The following C1QTNF3 variants were observed in gnomAD, a reference collection of about 807,000 sequenced individuals.
C1QTNF3 encodes complement C1q tumor necrosis factor-related protein 3.
Under a neutral mutation model 32.6 loss-of-function variants are expected in C1QTNF3, and 26 were observed. The observed-to-expected ratio is 0.80, with a 90% CI of 0.58 to 1.11. The LOEUF (loss-of-function observed/expected upper bound fraction) is 1.11, where lower values mean the gene tolerates loss of function less well. Among genes scored for constraint, C1QTNF3 ranks in the 50% least tolerant of loss-of-function variants. C1QTNF3 has a pLI of 0.00. For synonymous variants in C1QTNF3, 155 were observed against 146.0 expected, an observed-to-expected ratio of 1.06 and a Z score of -0.44; for missense variants, 362 against 398.2, an observed-to-expected ratio of 0.91 and a Z score of 0.77.
the C1QTNF3 span, among the ~76,000 whole-genome samples, chr5:34,094,609 A>G: frequency 6.6e-6 from 1 of 151,684 alleles, no homozygotes. Flanking sequence ...GGCTACATAG[A>G]CCGTGTATTA....
At chr5:34,119,766 G>A in the C1QTNF3 span, among the ~76,000 whole-genome samples, 2,102 of 152,180 alleles carry the variant, frequency 0.014, 47 homozygotes, top group African/African-American at 0.048. Context: ...TTCTCACATT[G>A]CGCATCACTG....
At chr5:34,050,269 A>G in the C1QTNF3 span, among the ~76,000 whole-genome samples, 1 of 152,054 alleles carries the variant, frequency 6.6e-6, no homozygotes, top group Non-Finnish European at 1.5e-5. Context: ...TTGCTCATCA[A>G]TCCTTCTCAT....
chr5:34,083,970 C>T, the C1QTNF3 span, among the ~76,000 whole-genome samples: 3 of 151,706 alleles, frequency 2.0e-5, 1 homozygote, highest in African/African-American at 7.3e-5. Context: ...AACCTCTGGG[C>T]AGTGTTGCAT....
the C1QTNF3 span, among the ~76,000 whole-genome samples, chr5:34,137,850 T>C: frequency 1.3e-5 from 2 of 152,348 alleles, no homozygotes; most frequent in African/African-American, 4.8e-5. Flanking sequence ...TCATGTGATA[T>C]TGGCTGATTT....
chr5:34,143,343 C>A, the C1QTNF3 span, among the ~76,000 whole-genome samples: 1 of 152,116 alleles, frequency 6.6e-6, no homozygotes, highest in Admixed American at 6.5e-5. Context: ...GAATGAAAGA[C>A]TTGTAAAATA....
chr5:34,047,979 G>T (rs1358104139), upstream of C1QTNF3, among the ~76,000 whole-genome samples: 1 of 152,102 alleles, frequency 6.6e-6, no homozygotes, highest in Non-Finnish European at 1.5e-5. Flanking sequence ...AGCTGGTCAG[G>T]ATGTTACAAT....
chr5:34,155,025 G>A, the C1QTNF3 span, among the ~76,000 whole-genome samples: 2 of 152,138 alleles, frequency 1.3e-5, no homozygotes, highest in Admixed American at 1.3e-4. Flanking sequence ...ATTTATGGCT[G>A]TTAGTGACTA....
the C1QTNF3 span, chr5:34,124,417 C>A: frequency 8.4e-6 from 6 of 716,002 alleles, no homozygotes; most frequent in East Asian, 5.4e-5. Flanking sequence ...CATAGTGATA[C>A]CTGCTTCTGG....
At chr5:34,072,417 G>GAAAGA in the C1QTNF3 span, among the ~76,000 whole-genome samples, 2 of 148,942 alleles carry the variant, frequency 1.3e-5, no homozygotes, top group Admixed American at 6.6e-5. Flanking sequence ...AAGAAAGAAA[G>GAAAGA]AAAGAACAGA....
the C1QTNF3 span, among the ~76,000 whole-genome samples, chr5:34,184,784 A>C: frequency 6.6e-6 from 1 of 151,890 alleles, no homozygotes; most frequent in African/African-American, 2.4e-5. Flanking sequence ...ATTTAATAAC[A>C]AAAAAAAGGA....
the C1QTNF3 span, among the ~76,000 whole-genome samples, chr5:34,072,371 G>A: frequency 0.072 from 8,444 of 117,704 alleles, 291 homozygotes; most frequent in Non-Finnish European, 0.084. Context: ...AAAAAAGAAA[G>A]AGAAAGAAAG....
the C1QTNF3 span, among the ~76,000 whole-genome samples, chr5:34,128,108 A>G: frequency 6.6e-6 from 1 of 152,220 alleles, no homozygotes; most frequent in African/African-American, 2.4e-5. Flanking sequence ...TGGGACGTGA[A>G]GACCTGTGTC....
chr5:34,043,232 G>A, upstream of C1QTNF3: 4 of 1,230,518 alleles, frequency 3.3e-6, no homozygotes, highest in Non-Finnish European at 4.5e-6. Context: ...CAGCGGCGGA[G>A]TGGTTTTATA....
At chr5:34,169,701 C>G in the C1QTNF3 span, among the ~76,000 whole-genome samples, 1 of 151,842 alleles carries the variant, frequency 6.6e-6, no homozygotes, top group Non-Finnish European at 1.5e-5. Flanking sequence ...ATGTCATATT[C>G]AAAAAGTCAT....
the C1QTNF3 span, among the ~76,000 whole-genome samples, chr5:34,146,637 C>T: frequency 3.3e-5 from 5 of 152,072 alleles, no homozygotes; most frequent in Admixed American, 2.0e-4. Flanking sequence ...AATCTGGACC[C>T]CTAACTTTCA....
chr5:34,077,926 T>C, the C1QTNF3 span, among the ~76,000 whole-genome samples: 1,865 of 151,880 alleles, frequency 0.012, 22 homozygotes, highest in South Asian at 0.029. Flanking sequence ...GGGGGATTAT[T>C]CAAATACAAA....
intron 1 of C1QTNF3, among the ~76,000 whole-genome samples, chr5:34,038,854 C>T (rs147860814): frequency 6.6e-6 from 1 of 152,204 alleles, no homozygotes; most frequent in Non-Finnish European, 1.5e-5. Flanking sequence ...GGGAGGGCTC[C>T]ACCTGACCGG....
chr5:34,030,584 T>C (rs1023082172), intron 3 of C1QTNF3, among the ~76,000 whole-genome samples: 1 of 152,184 alleles, frequency 6.6e-6, no homozygotes, highest in Admixed American at 6.5e-5. Flanking sequence ...AAGTTCAAAA[T>C]ACAAAATGTT....
chr5:34,043,462 T>C (rs1754925618), upstream of C1QTNF3: 1 of 269,794 alleles, frequency 3.7e-6, no homozygotes. Context: ...AGAGCATGTG[T>C]CCAGCAGTTT....
Sources: allele counts gnomAD v4.1 joint callset (sites outside exome capture counted in the v4.1 genomes callset), GRCh38; gene constraint gnomAD v4.1.1; transcripts MANE v1.5; gene names NCBI Gene and HGNC (gene_info 2026-07-23, HGNC 2026-07-21).